Variants in CAPRIN2 observed in about 807,000 individuals in gnomAD.
CAPRIN2 encodes caprin family member 2, also known as caprin-2.
A neutral mutation model predicts 130.4 loss-of-function variants in CAPRIN2; 66 were observed. That is an observed-to-expected ratio of 0.51 (90% CI 0.42 to 0.62). The LOEUF (loss-of-function observed/expected upper bound fraction) is 0.62. Ranked by LOEUF, CAPRIN2 falls within the 20% of genes least tolerant of loss-of-function variation. CAPRIN2 has a pLI of 0.00. For missense variants in CAPRIN2, 1,185 were observed against 1,246.6 expected (o/e 0.95, Z 0.74); for synonymous variants, 471 against 444.1 (o/e 1.06, Z -0.76).
rs574079766 is a variant in CAPRIN2 at position 30,723,275 on chromosome 12, A to G, written c.2027T>C (p.Leu676Pro). 3 of 1,611,988 alleles carry G rather than the reference A, an allele frequency of 1.9e-6. No homozygotes were observed. The East Asian group carries it at 6.7e-5, about 36-fold the overall frequency. Reference sequence around the variant, plus strand: ...GAAAGTTACCTGTAACGGCTCTTGAAGAAAATCACTTTGACTGGACAGATT... The same window carrying G: ...GAAAGTTACCTGTAACGGCTCTTGAGGAAAATCACTTTGACTGGACAGATT... Residue 676 changes from leucine to proline, a missense_variant, in exon 11 of 17, where the codon CTT (leucine) becomes CCT (proline). Transcript: ENST00000298892.
At chr12:30,723,156 A>C (rs2059900838) in intron 11 of CAPRIN2, 103 bp downstream of exon 12, 3 of 795,584 alleles carry the variant, frequency 3.8e-6, no homozygotes, top group Non-Finnish European at 6.4e-6. Context: ...CACTTTTAAT[A>C]ATTTCATTAG....
At chr12:30,752,444 T>C (rs970929903) in intron 1 of CAPRIN2, among the ~76,000 whole-genome samples, 1 of 152,082 alleles carries the variant, frequency 6.6e-6, no homozygotes, top group Non-Finnish European at 1.5e-5. Context: ...ATCACAGTGA[T>C]GGGGAATTTG....
intron 12 of CAPRIN2, 42 bp downstream of exon 14, chr12:30,719,037 A>T: frequency 6.4e-7 from 1 of 1,572,486 alleles, no homozygotes; most frequent in South Asian, 1.2e-5. Flanking sequence ...GGCTTTTAAC[A>T]GGAATAATGA....
chr12:30,745,027 A>C (rs1772763424), intron 2 of CAPRIN2, among the ~76,000 whole-genome samples: 1 of 152,226 alleles, frequency 6.6e-6, no homozygotes, highest in African/African-American at 2.4e-5. Context: ...TCAACTAGGA[A>C]GCGTATGTAA....
chr12:30,728,841 G>C (rs777049525), exon 8 of CAPRIN2: 1 of 1,614,096 alleles, frequency 6.2e-7, no homozygotes, highest in Admixed American at 1.7e-5. Flanking sequence ...CATGGGAGTG[G>C]TCCATGACTT....
At chr12:30,737,598 C>CTT (rs11304850) in intron 3 of CAPRIN2, among the ~76,000 whole-genome samples, 26,695 of 131,074 alleles carry the variant, frequency 0.2, 3,041 homozygotes, top group East Asian at 0.28. Flanking sequence ...AACTGGTTTT[C>CTT]TTTTTTTTTT....
chr12:30,724,525 A>G (rs2137339421), intron 9 of CAPRIN2, 74 bp from the exon 11 acceptor site: 2 of 977,818 alleles, frequency 2.0e-6, no homozygotes, highest in East Asian at 2.5e-5. Context: ...TGAATTATTC[A>G]TGATGCTGCC....
chr12:30,716,448 G>A, intron 13 of CAPRIN2, 60 bp downstream of exon 15: 3 of 1,450,194 alleles, frequency 2.1e-6, no homozygotes, highest in Non-Finnish European at 2.9e-6. Context: ...TCCTAGACTT[G>A]CTGTCCATTC....
intron 2 of CAPRIN2, among the ~76,000 whole-genome samples, chr12:30,750,525 T>A (rs1233600406): frequency 1.3e-5 from 2 of 151,912 alleles, no homozygotes; most frequent in African/African-American, 4.9e-5. Context: ...AGCTTAATGT[T>A]TATAGTAAGC....
At chr12:30,728,499 G>T (rs187324178) in intron 8 of CAPRIN2, 149 bp downstream of exon 9, 207 of 641,548 alleles carry the variant, frequency 3.2e-4, no homozygotes, top group Non-Finnish European at 5.0e-4. Flanking sequence ...AGGTTACAGT[G>T]AGCAGAGATA....
intron 2 of CAPRIN2, among the ~76,000 whole-genome samples, chr12:30,743,324 T>G (rs552141654): frequency 2.6e-5 from 4 of 152,250 alleles, no homozygotes; most frequent in African/African-American, 9.6e-5. Context: ...ACTACTTCCC[T>G]CTAGCATTAC....
chr12:30,751,202 G>T, intron 1 of CAPRIN2, 69 bp from the exon 3 acceptor site: 1 of 1,240,500 alleles, frequency 8.1e-7, no homozygotes, highest in Non-Finnish European at 1.2e-6. Context: ...GTAAATGCCA[G>T]ATCTTGTCTC....
chr12:30,715,032 C>T (rs765876667), exon 14 of CAPRIN2: 20 of 1,613,912 alleles, frequency 1.2e-5, no homozygotes, highest in South Asian at 9.9e-5. Flanking sequence ...TAACAGATCC[C>T]CGGCTATTGA....
chr12:30,740,433 AAAAGT>A (rs148875293), intron 3 of CAPRIN2, among the ~76,000 whole-genome samples: 4,036 of 152,234 alleles, frequency 0.027, 152 homozygotes, highest in African/African-American at 0.091. Flanking sequence ...TGAGATTTGA[AAAAGT>A]AAAGAATACT....
chr12:30,729,927 A>C (rs1330332103), intron 7 of CAPRIN2, among the ~76,000 whole-genome samples: 1 of 152,240 alleles, frequency 6.6e-6, no homozygotes, highest in Non-Finnish European at 1.5e-5. Context: ...TTCCTCTAAC[A>C]CAGGAGCCAA....
chr12:30,745,303 A>G (rs1017884001), intron 2 of CAPRIN2, among the ~76,000 whole-genome samples: 39 of 152,332 alleles, frequency 2.6e-4, no homozygotes, highest in African/African-American at 9.1e-4. Context: ...CAAACATACT[A>G]AAGTTATAAA....
At chr12:30,754,707 CTCCCTCCGCCGCGCCGACCGA>C (rs2075496334), upstream of CAPRIN2, 1 of 153,268 alleles carries the variant, frequency 6.5e-6, no homozygotes, top group East Asian at 1.9e-4. Context: ...GGTCAGCCGC[CTCCCTCCGCCGCGCCGACCGA>C]GGCCGCCGCA....
At chr12:30,720,438 A>T (rs551732187) in intron 12 of CAPRIN2, 1 of 158,406 alleles carries the variant, frequency 6.3e-6, no homozygotes, top group South Asian at 1.8e-4. Context: ...TTCCAACTCA[A>T]TAAGTGCTAA....
exon 5 of CAPRIN2, chr12:30,733,682 A>G (rs2063495316): frequency 6.2e-7 from 1 of 1,613,492 alleles, no homozygotes; most frequent in Admixed American, 1.7e-5. Flanking sequence ...CCAAAAGTAC[A>G]AGGATGACTG....
Sources: gnomAD v4.1 joint callset for allele counts (sites outside exome capture counted in the v4.1 genomes callset) on GRCh38, gnomAD v4.1.1 for gene constraint, MANE v1.5 for transcripts, NCBI Gene and HGNC (gene_info 2026-07-23, HGNC 2026-07-21) for gene names.